CNTN6: variants seen among roughly 807,000 people sequenced by gnomAD.
The protein encoded by CNTN6 is contactin 6, also known as contactin-6.
Under a neutral mutation model 122.8 loss-of-function variants are expected in CNTN6, and 137 were observed. The observed-to-expected ratio is 1.12, with a 90% confidence interval of 0.97 to 1.29. The LOEUF (loss-of-function observed/expected upper bound fraction) is 1.29, where lower values mean the gene tolerates loss of function less well. CNTN6 is among the 50% of genes most tolerant of loss of function. The probability of loss-of-function intolerance (pLI) is 0.00; values close to 1 mark genes in which losing one functional copy is unlikely to be tolerated. For missense variants in CNTN6, 1,634 were observed against 1,223.4 expected (o/e 1.34, Z -5.01); for synonymous variants, 570 against 426.0 (o/e 1.34, Z -4.16).
At chr3:1,323,712 AGAG>A (rs1178827581) in intron 8 of CNTN6, among the ~76,000 whole-genome samples, 3 of 151,818 alleles carry the variant, frequency 2.0e-5, no homozygotes, top group Non-Finnish European at 2.9e-5. Flanking sequence ...GAACATGTTC[AGAG>A]GAGTTAAGTG....
Position 1,099,929 on chromosome 3 carries a change from T to C in CNTN6, c.-83+6809T>C, listed in dbSNP as rs996667648. ...ATAACTATTTTAACATAAAATGTAC[T>C]TTTATATTTTCAAATAAAGACTAAA... On this transcript the variant is annotated intron_variant, in intron 1 of 22. Transcript: ENST00000446702. Among the ~76,000 whole-genome samples, 11 of 152,220 alleles carry C rather than the reference T, an allele frequency of 7.2e-5. 1 individual carries two copies. The highest frequency in any genetic ancestry group is 1.3e-4 in the Non-Finnish European group (9 of 68,030).
chr3:1,302,828 A>C (rs1019509787), intron 7 of CNTN6, among the ~76,000 whole-genome samples: 1 of 152,014 alleles, frequency 6.6e-6, no homozygotes, highest in Admixed American at 6.6e-5. Flanking sequence ...CTATTCAGGC[A>C]TGATTACTTC....
At chr3:1,311,348 T>G (rs142968077) in intron 7 of CNTN6, among the ~76,000 whole-genome samples, 3,437 of 127,746 alleles carry the variant, frequency 0.027, 190 homozygotes, top group South Asian at 0.036. Context: ...ATATAAAATG[T>G]CTTTATATGT....
intron 2 of CNTN6, among the ~76,000 whole-genome samples, chr3:1,164,926 C>T (rs2093212995): frequency 6.6e-6 from 1 of 152,090 alleles, no homozygotes. Flanking sequence ...TTTTTTGTGG[C>T]TTAACCTTGA....
At chr3:1,322,200 G>GA (rs1231299508) in intron 8 of CNTN6, among the ~76,000 whole-genome samples, 1 of 151,490 alleles carries the variant, frequency 6.6e-6, no homozygotes, top group Non-Finnish European at 1.5e-5. Flanking sequence ...ATTAATAAAT[G>GA]AAAAAAATTG....
At chr3:1,168,892 C>G (rs770323220) in intron 2 of CNTN6, among the ~76,000 whole-genome samples, 8 of 152,072 alleles carry the variant, frequency 5.3e-5, no homozygotes, top group Non-Finnish European at 7.4e-5. Context: ...TAAGAAAATA[C>G]AAGTTTTGAA....
chr3:1,138,152 C>A (rs892975307), intron 1 of CNTN6, among the ~76,000 whole-genome samples: 1 of 152,206 alleles, frequency 6.6e-6, no homozygotes, highest in African/African-American at 2.4e-5. Flanking sequence ...TCCTCTTAAA[C>A]CGTGATGCTC....
chr3:1,186,997 A>T (rs1014326300), intron 2 of CNTN6, among the ~76,000 whole-genome samples: 1 of 152,162 alleles, frequency 6.6e-6, no homozygotes, highest in African/African-American at 2.4e-5. Flanking sequence ...AATGCAGCCA[A>T]TTAGGAGAAA....
At chr3:1,247,034 T>C (rs1418701982) in intron 4 of CNTN6, among the ~76,000 whole-genome samples, 1 of 151,000 alleles carries the variant, frequency 6.6e-6, no homozygotes, top group African/African-American at 2.4e-5. Flanking sequence ...GTTCAATCTA[T>C]TGGTCTTTTT....
At chr3:1,120,592 A>G (rs1057089863) in intron 1 of CNTN6, among the ~76,000 whole-genome samples, 10 of 151,892 alleles carry the variant, frequency 6.6e-5, no homozygotes, top group Admixed American at 2.0e-4. Context: ...TGTATTTTGA[A>G]TATTTTCTCT....
At chr3:1,212,302 A>G (rs1372881384) in intron 2 of CNTN6, among the ~76,000 whole-genome samples, 3 of 146,268 alleles carry the variant, frequency 2.1e-5, no homozygotes, top group Non-Finnish European at 3.0e-5. Flanking sequence ...GGGCTCAAGC[A>G]ATCTGCCCGT....
chr3:1,192,576 T>C (rs2093717663), intron 2 of CNTN6, among the ~76,000 whole-genome samples: 1 of 152,086 alleles, frequency 6.6e-6, no homozygotes, highest in Admixed American at 6.6e-5. Flanking sequence ...CTTTCAGAAG[T>C]TCTGTTCTTC....
At chr3:1,287,512 C>G (rs1694551646) in intron 5 of CNTN6, among the ~76,000 whole-genome samples, 2 of 152,170 alleles carry the variant, frequency 1.3e-5, no homozygotes, top group South Asian at 4.1e-4. Flanking sequence ...TATCCTATGA[C>G]TTGCTTGGTC....
intron 4 of CNTN6, among the ~76,000 whole-genome samples, chr3:1,230,813 C>G (rs2094343735): frequency 6.6e-6 from 1 of 152,188 alleles, no homozygotes; most frequent in Non-Finnish European, 1.5e-5. Flanking sequence ...ACACTGACCA[C>G]ACAGTTCATG....
intron 19 of CNTN6, among the ~76,000 whole-genome samples, 185 bp from the exon 20 acceptor site, chr3:1,385,426 C>T (rs1280379366): frequency 6.6e-6 from 1 of 152,018 alleles, no homozygotes; most frequent in Non-Finnish European, 1.5e-5. Flanking sequence ...GACTTTTTTC[C>T]TCATAAATAT....
At chr3:1,120,326 C>T (rs977580717) in intron 1 of CNTN6, among the ~76,000 whole-genome samples, 6 of 151,866 alleles carry the variant, frequency 4.0e-5, no homozygotes, top group Non-Finnish European at 8.8e-5. Context: ...CAGCAATATA[C>T]GAAAGGTTTA....
At chr3:1,338,074 C>T (rs1703331688) in intron 11 of CNTN6, among the ~76,000 whole-genome samples, 1 of 152,114 alleles carries the variant, frequency 6.6e-6, no homozygotes, top group Non-Finnish European at 1.5e-5. Flanking sequence ...ACCCTGCTGC[C>T]TTGTGTTGGC....
At chr3:1,193,419 A>G (rs2093730423) in intron 2 of CNTN6, among the ~76,000 whole-genome samples, 1 of 152,128 alleles carries the variant, frequency 6.6e-6, no homozygotes, top group African/African-American at 2.4e-5. Flanking sequence ...ACCTGTCTAG[A>G]CTCACATTAT....
intron 4 of CNTN6, among the ~76,000 whole-genome samples, chr3:1,242,550 A>G (rs1256064444): frequency 6.6e-6 from 1 of 152,194 alleles, no homozygotes; most frequent in Admixed American, 6.5e-5. Flanking sequence ...GGGATGGGAT[A>G]TGGGCGTTGA....
Sources: allele counts gnomAD v4.1 joint callset (sites outside exome capture counted in the v4.1 genomes callset), GRCh38; gene constraint gnomAD v4.1.1; transcripts MANE v1.5; gene names NCBI Gene and HGNC (gene_info 2026-07-23, HGNC 2026-07-21).